RNF111: variants seen among roughly 807,000 people sequenced by gnomAD.
RNF111 encodes E3 ubiquitin-protein ligase Arkadia.
In RNF111, 17 loss-of-function variants were observed where a neutral mutation model predicts 95.1. That is an observed-to-expected ratio of 0.18 (90% CI 0.12 to 0.27). RNF111 has a LOEUF of 0.27. RNF111 is among the 10% of genes least tolerant of loss of function. RNF111 has a pLI of 1.00. For synonymous variants in RNF111, 440 were observed against 414.8 expected (o/e 1.06, Z -0.74); for missense variants, 1,189 against 1,210.4 (o/e 0.98, Z 0.26).
rs190328756 is a variant in RNF111, at chr15:58,988,081, G to T, written c.-20+13G>T. 1.4e-5 allele frequency: 2 copies of T among 143,422 alleles called. No individual in the cohort carries two copies. The highest frequency in any genetic ancestry group is 6.7e-5 in the Admixed American group (1 of 14,906). 8.9% of individuals were successfully genotyped at this position (143,422 alleles called of 1,614,324 possible). A position where few individuals can be genotyped will look rare whatever the true frequency, so the allele number is the denominator to read the frequency against. On this transcript the variant is annotated intron_variant, in intron 1 of 13. Coordinates refer to ENST00000348370, the MANE Select transcript of RNF111 (RefSeq NM_017610.8). ...GCTAATGATTAAGGTGAGGGGAACG[G>T]GGGGGGAGGGGATCCATTGGAGGCC...
At chr15:58,991,509 A>G (rs1469125120) in intron 1 of RNF111, among the ~76,000 whole-genome samples, 1 of 152,202 alleles carries the variant, frequency 6.6e-6, no homozygotes, top group Non-Finnish European at 1.5e-5. Flanking sequence ...GGTAAGTGCC[A>G]TGAGGAAAAT....
At chr15:59,021,370 C>T (rs1228960843) in intron 1 of RNF111, among the ~76,000 whole-genome samples, 7 of 152,064 alleles carry the variant, frequency 4.6e-5, no homozygotes, top group Admixed American at 2.0e-4. Context: ...AGGCTGGTCT[C>T]GAACTCCTGA....
chr15:58,989,729 T>C (rs1410800707), intron 1 of RNF111, among the ~76,000 whole-genome samples: 3 of 152,202 alleles, frequency 2.0e-5, no homozygotes, highest in Non-Finnish European at 4.4e-5. Context: ...GAGAGAGCTG[T>C]TGTGATGTTT....
In RNF111 at chr15:59,031,014, C is replaced by A. The variant is rs779838355; in HGVS notation, c.192C>A (p.Phe64Leu). The change falls in exon 2 of 14, where the codon TTC becomes TTA. Residue 64 changes from phenylalanine to leucine, a missense_variant. Physicochemically the swap from Phe to Leu is conservative, Grantham distance 22. Transcript: ENST00000348370. ...EMINSKVGNE[F>L]SHLCDDSQKQ... ...TTAATAGTAAAGTGGGGAATGAATT[C>A]TCTCACCTGTGTGATGATTCTCAAA... 3.6e-5 allele frequency: 58 copies of A among 1,614,072 alleles called. 1 individual carries two copies. The South Asian group carries it at 6.3e-4, about 17-fold the overall frequency.
chr15:59,027,584 A>G (rs1365238228), intron 1 of RNF111, among the ~76,000 whole-genome samples: 1 of 151,292 alleles, frequency 6.6e-6, no homozygotes, highest in Non-Finnish European at 1.5e-5. Flanking sequence ...GCTGGAGTGC[A>G]ATGGCGCAAT....
chr15:59,000,478 G>C (rs1212853668), intron 1 of RNF111, among the ~76,000 whole-genome samples: 5 of 152,022 alleles, frequency 3.3e-5, no homozygotes, highest in Non-Finnish European at 7.4e-5. Flanking sequence ...TTGGGAGGCC[G>C]AGGCAGGCGG....
chr15:59,005,311 ACC>A (rs1208360277), intron 1 of RNF111, among the ~76,000 whole-genome samples: 2 of 150,956 alleles, frequency 1.3e-5, no homozygotes, highest in African/African-American at 2.4e-5. Context: ...GAGCCACTGC[ACC>A]CAGCCTCTAG....
chr15:59,087,559 GATA>G (rs1341170550), intron 10 of RNF111, among the ~76,000 whole-genome samples: 4 of 152,120 alleles, frequency 2.6e-5, no homozygotes, highest in Non-Finnish European at 4.4e-5. Context: ...GTCTACAATA[GATA>G]ATGATAGTTT....
intron 6 of RNF111, among the ~76,000 whole-genome samples, chr15:59,073,159 T>C (rs2043014930): frequency 6.6e-6 from 1 of 152,046 alleles, no homozygotes; most frequent in Non-Finnish European, 1.5e-5. Flanking sequence ...GGCAACACAG[T>C]GAGACCTTGT....
chr15:59,088,857 A>C (rs1348786860), intron 10 of RNF111, among the ~76,000 whole-genome samples: 1 of 152,206 alleles, frequency 6.6e-6, no homozygotes, highest in Admixed American at 6.5e-5. Context: ...TATTCTCTCC[A>C]TAAGGTGTAT....
intron 8 of RNF111, among the ~76,000 whole-genome samples, chr15:59,082,950 G>A (rs1395236539): frequency 6.6e-6 from 1 of 152,114 alleles, no homozygotes; most frequent in East Asian, 1.9e-4. Flanking sequence ...TGCAAAATCT[G>A]CAATTGTGTT....
At position 59,083,341 on chromosome 15, in the gene RNF111, A is replaced by G. The variant is rs565131751; in HGVS notation, c.2298-788A>G. On this transcript the variant is annotated intron_variant, in intron 8 of 13. Transcript: ENST00000348370. ...GGTGGGCAGATCACAAGGTCAAGAG[A>G]TTGAGACCATCCTGGCCAACATCCT... Among the ~76,000 whole-genome samples the G allele has an allele frequency of 1.3e-4, 20 of 152,162 alleles. No homozygotes were observed. In the South Asian group the frequency reaches 4.2e-3, roughly 32 times the overall value.
At chr15:59,035,999 C>T (rs903143389) in intron 2 of RNF111, among the ~76,000 whole-genome samples, 2 of 152,186 alleles carry the variant, frequency 1.3e-5, no homozygotes, top group African/African-American at 4.8e-5. Flanking sequence ...TCTGTTAGTA[C>T]CAATTTACTG....
intron 1 of RNF111, among the ~76,000 whole-genome samples, chr15:58,999,556 G>A (rs931431162): frequency 3.9e-5 from 6 of 151,990 alleles, no homozygotes; most frequent in Non-Finnish European, 7.4e-5. Context: ...GGCTGGTCTC[G>A]AACTCCTGAC....
intron 2 of RNF111, chr15:59,049,512 C>G (rs2041874661): frequency 5.1e-6 from 1 of 194,194 alleles, no homozygotes; most frequent in Non-Finnish European, 1.1e-5. Flanking sequence ...ACCTAGGTAC[C>G]TTTCTCTTTG....
At chr15:59,032,403 A>G (rs555284729) in intron 2 of RNF111, among the ~76,000 whole-genome samples, 1 of 152,254 alleles carries the variant, frequency 6.6e-6, no homozygotes, top group Non-Finnish European at 1.5e-5. Context: ...TCTAGTCACT[A>G]AAAAAGACTG....
intron 1 of RNF111, among the ~76,000 whole-genome samples, chr15:59,030,550 A>G (rs941011156): frequency 1.6e-4 from 25 of 152,190 alleles, no homozygotes; most frequent in African/African-American, 4.8e-4. Context: ...GTTTTTGGTT[A>G]ATAGAAGTTT....
chr15:59,072,677 C>T (rs1360535643), intron 6 of RNF111, among the ~76,000 whole-genome samples: 3 of 151,850 alleles, frequency 2.0e-5, no homozygotes, highest in African/African-American at 7.3e-5. Flanking sequence ...TGGTCTCAAT[C>T]TCCTGACCTC....
chr15:59,071,592 G>A (rs1477405733), intron 6 of RNF111, among the ~76,000 whole-genome samples: 1 of 151,782 alleles, frequency 6.6e-6, no homozygotes, highest in Non-Finnish European at 1.5e-5. Context: ...TCTTGTGGGT[G>A]GCTGAGGCAG....
Sources: gnomAD v4.1 joint callset for allele counts (sites outside exome capture counted in the v4.1 genomes callset) on GRCh38, gnomAD v4.1.1 for gene constraint, MANE v1.5 for transcripts, NCBI Gene and HGNC (gene_info 2026-07-23, HGNC 2026-07-21) for gene names.